The following LRRC37B variants were observed in gnomAD, a reference collection of about 807,000 sequenced individuals.
LRRC37B encodes leucine rich repeat containing 37B.
In LRRC37B, 28 loss-of-function variants were observed where a neutral mutation model predicts 98.3. That is an observed-to-expected ratio of 0.28 (90% CI 0.21 to 0.39). LRRC37B has a LOEUF of 0.39. Among genes scored for constraint, LRRC37B ranks in the 10% least tolerant of loss-of-function variants. The pLI, the probability that LRRC37B is intolerant of heterozygous loss-of-function variation, is 1.00. For synonymous variants in LRRC37B, 364 were observed against 442.7 expected, an observed-to-expected ratio of 0.82 and a Z score of 2.23; for missense variants, 938 against 1,182.7, an observed-to-expected ratio of 0.79 and a Z score of 3.03.
chr17:32,024,841 G>A, intron 2 of LRRC37B, 59 bp downstream of exon 5: 1 of 1,582,004 alleles, frequency 6.3e-7, no homozygotes, highest in Non-Finnish European at 8.6e-7. Flanking sequence ...ATCCTTCTTG[G>A]TCCAGAATTT....
At chr17:32,035,058 G>T (rs541031899) in intron 6 of LRRC37B, 77 bp downstream of exon 9, 10 of 1,089,582 alleles carry the variant, frequency 9.2e-6, no homozygotes, top group South Asian at 2.9e-5. Flanking sequence ...AAAGTATTTT[G>T]CATTTAGGCT....
intron 1 of LRRC37B, among the ~76,000 whole-genome samples, chr17:32,015,164 T>G (rs1910624471): frequency 1.3e-5 from 2 of 152,148 alleles, no homozygotes; most frequent in South Asian, 4.1e-4. Flanking sequence ...TAGCTGGTGA[T>G]TTTTATATTA....
intron 1 of LRRC37B, among the ~76,000 whole-genome samples, chr17:32,012,848 C>T (rs1324195340): frequency 6.6e-6 from 1 of 152,192 alleles, no homozygotes; most frequent in Non-Finnish European, 1.5e-5. Flanking sequence ...GAAACCCCGT[C>T]CCTACTAAAA....
rs368242809 is a variant in LRRC37B, at chr17:32,053,221, G to A, written c.2863-45G>A. The stretch of plus-strand genomic sequence containing the variant: ...GGAATGAATACACATTGGAGATAGT[G>A]GTTGTTGTGATAGATAACCTTAATT... On this transcript the variant is annotated intron_variant, in intron 11 of 11. Transcript: ENST00000327564. 204 of 1,336,252 alleles carry A rather than the reference G, an allele frequency of 1.5e-4. 1 individual carries two copies. Among genetic ancestry groups the A allele is most frequent in the Middle Eastern group, 3.6e-4 (2 of 5,526 alleles). The allele number at this position is 1,336,252 out of a possible 1,614,324, so 82.8% of individuals were successfully genotyped here.
At chr17:32,039,337 T>A (rs1392865974) in intron 7 of LRRC37B, among the ~76,000 whole-genome samples, 3 of 149,382 alleles carry the variant, frequency 2.0e-5, no homozygotes, top group African/African-American at 4.9e-5. Context: ...CTTCACCAGG[T>A]GTGATGGCAC....
intron 11 of LRRC37B, chr17:32,050,604 A>AGGG (rs1911725864): frequency 6.6e-6 from 1 of 152,372 alleles, no homozygotes; most frequent in African/African-American, 2.4e-5. Flanking sequence ...TGTTGTCTAA[A>AGGG]TAGGTCCAGT....
intron 6 of LRRC37B, 43 bp downstream of exon 9, chr17:32,035,024 C>A: frequency 1.5e-6 from 2 of 1,309,410 alleles, no homozygotes; most frequent in Non-Finnish European, 2.1e-6. Flanking sequence ...ATGATTTATG[C>A]TTTTTAAATT....
At chr17:32,047,953 A>C (rs752875906) in intron 9 of LRRC37B, 52 bp downstream of exon 12, 1 of 1,613,968 alleles carries the variant, frequency 6.2e-7, no homozygotes, top group South Asian at 1.1e-5. Flanking sequence ...GCACTAAGTT[A>C]CATCTTGCCT....
chr17:32,022,706 A>G, exon 1 of LRRC37B: 1 of 1,614,018 alleles, frequency 6.2e-7, no homozygotes, highest in Non-Finnish European at 8.5e-7. Context: ...GCACCAACAT[A>G]TGTGAGCTCT....
chr17:32,049,986 T>C lies in LRRC37B; in HGVS notation c.2758-17T>C. ...TTAATTGTTCTTTCTTTTTTCTTTTTTTTTTCTTTTTTTTAGCTCATGAAA... is the reference window on the plus strand; with the variant it reads ...TTAATTGTTCTTTCTTTTTTCTTTTCTTTTTCTTTTTTTTAGCTCATGAAA... On this transcript the variant is annotated splice_polypyrimidine_tract_variant and intron_variant, in intron 10 of 11. Transcript: ENST00000327564. 1 of 1,384,606 alleles carries C rather than the reference T, an allele frequency of 7.2e-7. No homozygotes were observed. 85.8% of individuals were successfully genotyped at this position (1,384,606 alleles called of 1,614,324 possible). A position where few individuals can be genotyped will look rare whatever the true frequency, so the allele number is the denominator to read the frequency against.
chr17:32,043,593 G>C (rs1340483263), intron 7 of LRRC37B, among the ~76,000 whole-genome samples: 1 of 152,104 alleles, frequency 6.6e-6, no homozygotes, highest in Non-Finnish European at 1.5e-5. Flanking sequence ...TCAGAGTTAA[G>C]GTTGCTATAT....
chr17:32,033,061 G>A (rs1598208073), intron 5 of LRRC37B, among the ~76,000 whole-genome samples: 1 of 152,182 alleles, frequency 6.6e-6, no homozygotes, highest in Non-Finnish European at 1.5e-5. Context: ...CTACTCAGGA[G>A]GCTGAGGCAG....
chr17:32,025,739 C>A (rs1215506900), intron 2 of LRRC37B, among the ~76,000 whole-genome samples: 1 of 152,134 alleles, frequency 6.6e-6, no homozygotes, highest in Non-Finnish European at 1.5e-5. Flanking sequence ...GCTTAGTGGG[C>A]AAGTATTCCT....
At chr17:32,007,756 G>A (rs1910442796), upstream of LRRC37B, 1 of 1,193,562 alleles carries the variant, frequency 8.4e-7, no homozygotes, top group Non-Finnish European at 1.0e-6. This position sits in a 1 kb window ranked among gnomAD's most constrained non-coding sequence, Gnocchi z 4.1. Flanking sequence ...CAGGTGGGCA[G>A]CCGCCAGGCT....
chr17:32,048,380 C>CA (rs1290886000), intron 9 of LRRC37B, among the ~76,000 whole-genome samples: 1 of 149,346 alleles, frequency 6.7e-6, no homozygotes, highest in Non-Finnish European at 1.5e-5. Context: ...TCACATAGTG[C>CA]AGGGGCCTGA....
chr17:32,047,780 G>A (rs1431155968), exon 9 of LRRC37B: 2 of 1,613,860 alleles, frequency 1.2e-6, no homozygotes, highest in Admixed American at 1.7e-5. Context: ...CATCTGTAGG[G>A]AATCCAGAAG....
intron 6 of LRRC37B, among the ~76,000 whole-genome samples, chr17:32,035,302 G>A (rs1405717534): frequency 1.3e-5 from 2 of 151,944 alleles, no homozygotes; most frequent in Non-Finnish European, 2.9e-5. Flanking sequence ...AATCAAGATG[G>A]GTGAATGCAA....
At chr17:32,045,839 G>T in intron 8 of LRRC37B, 21 bp downstream of exon 11, 1 of 1,591,018 alleles carries the variant, frequency 6.3e-7, no homozygotes, top group Non-Finnish European at 8.5e-7. Flanking sequence ...ATTGCCTGGT[G>T]ATAAATTGTT....
intron 7 of LRRC37B, among the ~76,000 whole-genome samples, chr17:32,039,293 G>A (rs1385344742): frequency 6.7e-6 from 1 of 150,264 alleles, no homozygotes; most frequent in East Asian, 2.0e-4. Flanking sequence ...GTAGATATAG[G>A]TATAGATATA....
Sources: allele counts gnomAD v4.1 joint callset (sites outside exome capture counted in the v4.1 genomes callset), GRCh38; gene constraint gnomAD v4.1.1; non-coding constraint Gnocchi (gnomAD v3.1); transcripts MANE v1.5; gene names NCBI Gene and HGNC (gene_info 2026-07-23, HGNC 2026-07-21).